The following ZNF793 variants were observed in gnomAD, a reference collection of about 807,000 sequenced individuals.
The protein encoded by ZNF793 is zinc finger protein 793.
A neutral mutation model predicts 12.4 loss-of-function variants in ZNF793; 5 were observed. That is an observed-to-expected ratio of 0.40 (90% CI 0.21 to 0.84). The LOEUF (loss-of-function observed/expected upper bound fraction) is 0.84. Among genes scored for constraint, ZNF793 ranks in the 40% least tolerant of loss-of-function variants. ZNF793 has a pLI of 0.35. For synonymous variants in ZNF793, 162 were observed against 172.4 expected (o/e 0.94, Z 0.47); for missense variants, 456 against 495.0 (o/e 0.92, Z 0.75).
At chr19:37,512,048 C>T (rs1326696689) in intron 2 of ZNF793, among the ~76,000 whole-genome samples, 1 of 152,132 alleles carries the variant, frequency 6.6e-6, no homozygotes, top group Non-Finnish European at 1.5e-5. Context: ...ATTCTGGAAG[C>T]TGCTGGTAGA....
chr19:37,510,036 T>C (rs2042280873), intron 2 of ZNF793, among the ~76,000 whole-genome samples: 1 of 152,156 alleles, frequency 6.6e-6, no homozygotes, highest in African/African-American at 2.4e-5. Flanking sequence ...TAATTTCATT[T>C]ATATAACAGA....
In ZNF793 at chr19:37,541,435, T is replaced by TG. The variant is rs1219430272; in HGVS notation, c.*3556_*3557insG. Reference sequence around the variant, plus strand: ...GGCTCATGCCTGTAATCCCAACACTTTGGGAGGCTGAGGCAGGAGGATCAC... The same window carrying TG: ...GGCTCATGCCTGTAATCCCAACACTTGTGGGAGGCTGAGGCAGGAGGATCAC... On this transcript the variant is annotated 3_prime_UTR_variant, in exon 8 of 8. Transcript: ENST00000627814. 2.6e-5 allele frequency: 4 copies of TG among 152,326 alleles called. No homozygotes were observed. The highest frequency in any genetic ancestry group is 5.9e-5 in the Non-Finnish European group (4 of 68,134). The allele number at this position is 152,326 out of a possible 1,614,324, so 9.4% of individuals were successfully genotyped here.
chr19:37,524,042 C>T lies in ZNF793; in HGVS notation c.15+588C>T, dbSNP rs533688326. Among the ~76,000 whole-genome samples the T allele has an allele frequency of 1.6e-4, 25 of 151,722 alleles. 1 individual carries two copies. In the South Asian group the frequency reaches 5.0e-3, roughly 30 times the overall value. On this transcript the variant is annotated intron_variant, in intron 5 of 7. Transcript: ENST00000627814. ...GTGGGTGCCTGTAATCCCAGCTACT[C>T]GGGAGGCTGAGGCAGGAGAATTGCT...
rs773128670 is a variant in ZNF793 at position 37,537,100 on chromosome 19, C to A, written c.442C>A (p.His148Asn). Residue 148 changes from histidine (H) to asparagine (N), a missense_variant, in exon 8 of 8, where the codon CAT becomes AAT. His to Asn is a moderately conservative substitution (Grantham distance 68). Coordinates refer to ENST00000627814, the MANE Select transcript of ZNF793 (RefSeq NM_001013659.3). The part of the protein sequence containing the change: ...NWNPCGKNLN[H>N]NLDLIGFKRN... ...GAACCCTTGTGGAAAGAATTTGAAC[C>A]ATAATTTAGACTTGATTGGTTTTAA... 8.1e-5 allele frequency: 130 copies of A among 1,613,256 alleles called. 1 individual carries two copies. Among genetic ancestry groups the A allele is most frequent in the East Asian group, 4.5e-5 (2 of 44,898 alleles).
chr19:37,526,748 C>T (rs1480838847), intron 5 of ZNF793, among the ~76,000 whole-genome samples: 1 of 152,202 alleles, frequency 6.6e-6, no homozygotes, highest in Non-Finnish European at 1.5e-5. Context: ...CAGCATTCCT[C>T]ATGGAGGTCT....
chr19:37,514,109 A>G (rs149516126), intron 2 of ZNF793, among the ~76,000 whole-genome samples: 2,104 of 152,354 alleles, frequency 0.014, 57 homozygotes, highest in African/African-American at 0.048. Context: ...GGGAATAACC[A>G]TATTATTAAG....
chr19:37,542,606 G>A lies in ZNF793; in HGVS notation c.*4727G>A, dbSNP rs1956806220. 2 of 258,896 alleles carry A rather than the reference G, an allele frequency of 7.7e-6. No individual in the cohort carries two copies. Among genetic ancestry groups the A allele is most frequent in the Admixed American group, 4.5e-5 (1 of 22,418 alleles). 16.0% of individuals were successfully genotyped at this position (258,896 alleles called of 1,614,324 possible). ...GTAAATACCCATCAACTGGGAAATT[G>A]TAGAAAGGAAAAAACTATAGTGTAT... On this transcript the variant is annotated 3_prime_UTR_variant, in exon 8 of 8. Transcript: ENST00000627814.
At position 37,541,414 on chromosome 19, in the gene ZNF793, C is replaced by T. The variant is rs2042551079; in HGVS notation, c.*3535C>T. The T allele has an allele frequency of 6.6e-6, 1 of 152,440 alleles. No homozygotes were observed. The highest frequency in any genetic ancestry group is 2.4e-5 in the African/African-American group (1 of 41,454). The allele number at this position is 152,440 out of a possible 1,614,324, so 9.4% of individuals were successfully genotyped here. A position where few individuals can be genotyped will look rare whatever the true frequency, so the allele number is the denominator to read the frequency against. On this transcript the variant is annotated 3_prime_UTR_variant, in exon 8 of 8. Transcript: ENST00000627814. ...CAGTTGAAGGCTGGGTGCAGTGGCTCATGCCTGTAATCCCAACACTTTGGG... is the reference window on the plus strand; with the variant it reads ...CAGTTGAAGGCTGGGTGCAGTGGCTTATGCCTGTAATCCCAACACTTTGGG...
In ZNF793 at chr19:37,537,398, GAA is replaced by G; in HGVS notation, c.741_742del (p.Thr250TrpfsTer9). The G allele has an allele frequency of 6.2e-7, 1 of 1,613,072 alleles. No homozygotes were observed. Among genetic ancestry groups the G allele is most frequent in the East Asian group, 2.2e-5 (1 of 44,870 alleles). On this transcript the variant is annotated frameshift_variant, in exon 8 of 8. Transcript: ENST00000627814. LOFTEE classifies it low-confidence loss of function (END_TRUNC). ...AAGTCTGAATTCATTAGGCATCAGA[GAA>G]GTCACACTGGGGAGAAGCCTTATGG...
chr19:37,507,621 G>T (rs1172099607), intron 1 of ZNF793, among the ~76,000 whole-genome samples: 1 of 152,194 alleles, frequency 6.6e-6, no homozygotes, highest in Admixed American at 6.5e-5. Flanking sequence ...ATGGAGAATA[G>T]AGTCAAGTGT....
rs2042548342 is a variant in ZNF793 at position 37,540,968 on chromosome 19, T to C, written c.*3089T>C. On this transcript the variant is annotated 3_prime_UTR_variant, in exon 8 of 8. Transcript: ENST00000627814. ...AATATATACAACAATTATATATCTA[T>C]AATAATTAAAAATTTTTAAAATGCC... is the stretch of plus-strand genomic sequence containing the variant. 1 of 151,944 alleles carries C rather than the reference T, an allele frequency of 6.6e-6. No homozygotes were observed. 9.4% of individuals were successfully genotyped at this position (151,944 alleles called of 1,614,324 possible).
chr19:37,529,299 C>T (rs1168856236), intron 5 of ZNF793, among the ~76,000 whole-genome samples: 1 of 152,118 alleles, frequency 6.6e-6, no homozygotes, highest in Non-Finnish European at 1.5e-5. Flanking sequence ...CTTTCTCTAA[C>T]GGTTACTGTC....
At chr19:37,521,869 T>C (rs2042378984) in intron 3 of ZNF793, among the ~76,000 whole-genome samples, 1 of 152,168 alleles carries the variant, frequency 6.6e-6, no homozygotes, top group Admixed American at 6.5e-5. Context: ...ATGTCCTCTC[T>C]TTCTATATAC....
In ZNF793 at chr19:37,537,867, G is replaced by T. The variant is rs2042521224; in HGVS notation, c.1209G>T (p.Val403=). Reference sequence around the variant, plus strand: ...ACAGGAATGAAAACTTAATAATTGTGGGAAATACTTGAGCAAAATATCTGG... The same window carrying T: ...ACAGGAATGAAAACTTAATAATTGTTGGAAATACTTGAGCAAAATATCTGG... ...NAYRNENLII[V]GNT is the part of the protein sequence containing the mutation. The change falls in exon 8 of 8, where the codon GTG becomes GTT. Residue 403 remains valine, a synonymous_variant. Coordinates refer to ENST00000627814, the MANE Select transcript of ZNF793 (RefSeq NM_001013659.3). 2 of 1,582,440 alleles carry T rather than the reference G, an allele frequency of 1.3e-6. No homozygotes were observed. Among genetic ancestry groups the T allele is most frequent in the Admixed American group, 1.8e-5 (1 of 55,036 alleles).
chr19:37,506,557 G>A (rs141745419), upstream of ZNF793: 3 of 152,234 alleles, frequency 2.0e-5, no homozygotes, highest in African/African-American at 7.2e-5. Flanking sequence ...CGTAAGAAGC[G>A]GTAAAAATGT....
At chr19:37,533,214 G>A (rs1600420726) in intron 6 of ZNF793, 94 bp from the exon 7 acceptor site, 2 of 1,015,786 alleles carry the variant, frequency 2.0e-6, no homozygotes, top group Non-Finnish European at 3.1e-6. Context: ...CCCCTCCCAA[G>A]TATAACATCT....
chr19:37,518,679 A>G (rs1352508974), intron 2 of ZNF793, among the ~76,000 whole-genome samples: 3 of 151,532 alleles, frequency 2.0e-5, no homozygotes, highest in East Asian at 1.9e-4. Flanking sequence ...GCACATCTAT[A>G]GTCCTCCTAC....
intron 2 of ZNF793, among the ~76,000 whole-genome samples, chr19:37,514,229 A>G (rs1432093937): frequency 6.6e-6 from 1 of 152,230 alleles, no homozygotes; most frequent in African/African-American, 2.4e-5. Context: ...ATCAATAGCT[A>G]TGAACGATTA....
At chr19:37,522,995 G>A (rs1256003033) in intron 4 of ZNF793, among the ~76,000 whole-genome samples, 1 of 152,090 alleles carries the variant, frequency 6.6e-6, no homozygotes, top group African/African-American at 2.4e-5. Flanking sequence ...ACAAATAAGA[G>A]ATAAAGGGTA....
Sources: gnomAD v4.1 joint callset for allele counts (sites outside exome capture counted in the v4.1 genomes callset) on GRCh38, gnomAD v4.1.1 for gene constraint, MANE v1.5 for transcripts, NCBI Gene and HGNC (gene_info 2026-07-23, HGNC 2026-07-21) for gene names.